ZNF564: variants seen among roughly 807,000 people sequenced by gnomAD.
ZNF564 encodes the protein zinc finger protein 564.
Under a neutral mutation model 10.5 loss-of-function variants are expected in ZNF564, and 5 were observed. The ratio of observed to expected loss-of-function variants is 0.48; its 90% CI spans 0.25 to 1.00. The LOEUF (loss-of-function observed/expected upper bound fraction) is 1.00. Ranked by LOEUF, ZNF564 falls within the 50% of genes least tolerant of loss-of-function variation. The pLI is 0.16. For synonymous variants in ZNF564, 242 were observed against 218.1 expected (o/e 1.11, Z -0.97); for missense variants, 603 against 669.7 (o/e 0.90, Z 1.10).
chr19:12,538,089 T>C (rs145405931), intron 1 of ZNF564, among the ~76,000 whole-genome samples: 1 of 152,030 alleles, frequency 6.6e-6, no homozygotes, highest in African/African-American at 2.4e-5. Flanking sequence ...TTAAATAGAA[T>C]AAAAAATAAT....
At chr19:12,544,297 G>A (rs978185022) in intron 1 of ZNF564, among the ~76,000 whole-genome samples, 1 of 152,286 alleles carries the variant, frequency 6.6e-6, no homozygotes, top group East Asian at 1.9e-4. Flanking sequence ...GTCAGGGACA[G>A]AAACGACGGA....
chr19:12,543,673 CAAAAAAAAAA>C (rs57611686), intron 1 of ZNF564, among the ~76,000 whole-genome samples: 1,324 of 62,276 alleles, frequency 0.021, 18 homozygotes, highest in Non-Finnish European at 0.027. Context: ...GACTTCGTCT[CAAAAAAAAAA>C]AAAAAAAAAA....
At chr19:12,542,014 C>CAAA (rs74180077) in intron 1 of ZNF564, among the ~76,000 whole-genome samples, 18 of 56,238 alleles carry the variant, frequency 3.2e-4, no homozygotes, top group Non-Finnish European at 4.8e-4. Context: ...AGACTCTGTC[C>CAAA]AAAAAAAAAA....
intron 1 of ZNF564, chr19:12,529,977 T>A (rs1332799230): frequency 1.8e-5 from 2 of 113,104 alleles, no homozygotes; most frequent in African/African-American, 7.1e-5. Context: ...AGAGCAAAAC[T>A]CTGTCTCAAA....
chr19:12,537,723 A>G lies in ZNF564; in HGVS notation c.4-9027T>C, dbSNP rs189326954. Among the ~76,000 whole-genome samples, 604 of 143,322 alleles carry G rather than the reference A, an allele frequency of 4.2e-3. 2 individuals are homozygous for G. The highest frequency in any genetic ancestry group is 6.5e-3 in the Non-Finnish European group (431 of 66,162). The allele number at this position is 143,322 out of a possible 152,430, so 94.0% of individuals were successfully genotyped here. A position where few individuals can be genotyped will look rare whatever the true frequency, so the allele number is the denominator to read the frequency against. On this transcript the variant is annotated intron_variant, in intron 1 of 3. Transcript: ENST00000339282. ...ATTGCACTCCCGCCTGGGCAACAAGAGTGAAACTCCGTCTCAAAAAAAAAA... is the reference window on the plus strand; with the variant it reads ...ATTGCACTCCCGCCTGGGCAACAAGGGTGAAACTCCGTCTCAAAAAAAAAA...
At chr19:12,529,184 A>C (rs763943654) in intron 1 of ZNF564, among the ~76,000 whole-genome samples, 2 of 152,330 alleles carry the variant, frequency 1.3e-5, no homozygotes, top group South Asian at 4.1e-4. Context: ...ACTTTCTCAT[A>C]AATTTAATTA....
chr19:12,528,021 G>T (rs1363315147), intron 3 of ZNF564, 105 bp from the exon 4 acceptor site: 1 of 1,285,198 alleles, frequency 7.8e-7, no homozygotes, highest in Non-Finnish European at 1.1e-6. Flanking sequence ...AAGTTTTCAG[G>T]CCTGTATGAA....
chr19:12,530,277 T>C (rs2021776795), intron 1 of ZNF564: 1 of 152,200 alleles, frequency 6.6e-6, no homozygotes, highest in South Asian at 2.1e-4. Flanking sequence ...ATAACATTTG[T>C]TATAGACTCA....
In ZNF564 at chr19:12,526,246, C is replaced by A; in HGVS notation, c.*200G>T. ...ACTCAATTCATGCTGAGGCAAAATT[C>A]TTCTTCAGCTCCGAACCGGTGAAAA... On this transcript the variant is annotated 3_prime_UTR_variant, in exon 4 of 4. Coordinates refer to ENST00000339282, the MANE Select transcript of ZNF564 (RefSeq NM_144976.4). 2 of 511,142 alleles carry A rather than the reference C, an allele frequency of 3.9e-6. No individual in the cohort carries two copies. Among genetic ancestry groups the A allele is most frequent in the Non-Finnish European group, 6.8e-6 (2 of 295,992 alleles). 31.7% of individuals were successfully genotyped at this position (511,142 alleles called of 1,614,324 possible).
At chr19:12,529,611 A>AAC (rs940665061) in intron 1 of ZNF564, among the ~76,000 whole-genome samples, 1 of 151,298 alleles carries the variant, frequency 6.6e-6, no homozygotes, top group Non-Finnish European at 1.5e-5. Context: ...GTCTCAAAAA[A>AAC]AAAAAATTTA....
At chr19:12,541,077 A>G (rs1009244859) in intron 1 of ZNF564, among the ~76,000 whole-genome samples, 13 of 150,070 alleles carry the variant, frequency 8.7e-5, no homozygotes. Context: ...AAAAAAAAAA[A>G]AAAAAAAAAA....
At chr19:12,547,222 A>G (rs1211215810) in intron 1 of ZNF564, among the ~76,000 whole-genome samples, 1 of 151,934 alleles carries the variant, frequency 6.6e-6, no homozygotes, top group Non-Finnish European at 1.5e-5. Context: ...CACCACCACA[A>G]TTTTTTTTAA....
chr19:12,545,101 A>G (rs753835094), intron 1 of ZNF564, among the ~76,000 whole-genome samples: 1 of 152,022 alleles, frequency 6.6e-6, no homozygotes, highest in Non-Finnish European at 1.5e-5. Context: ...TCTCTACTAA[A>G]AATACAAAAA....
intron 1 of ZNF564, chr19:12,548,674 C>A: frequency 3.2e-6 from 2 of 627,120 alleles, no homozygotes; most frequent in South Asian, 1.9e-5. Flanking sequence ...ACATGAAAAG[C>A]ACATTTATCT....
chr19:12,543,298 T>A (rs1344214352), intron 1 of ZNF564, among the ~76,000 whole-genome samples: 1 of 110,752 alleles, frequency 9.0e-6, no homozygotes, highest in African/African-American at 3.6e-5. Flanking sequence ...TGAAACTTCG[T>A]CTCAGAAAAA....
chr19:12,529,088 CAAAA>C (rs1016476006), intron 1 of ZNF564, among the ~76,000 whole-genome samples: 1 of 152,004 alleles, frequency 6.6e-6, no homozygotes, highest in Non-Finnish European at 1.5e-5. Context: ...AAAAACAAAA[CAAAA>C]AAGTCGACAA....
intron 1 of ZNF564, among the ~76,000 whole-genome samples, chr19:12,550,855 G>A (rs961909730): frequency 7.2e-5 from 11 of 152,166 alleles, no homozygotes; most frequent in African/African-American, 2.7e-4. Flanking sequence ...CCCAGAAAAA[G>A]CTAGGCTAAA....
At chr19:12,548,690 T>C in intron 1 of ZNF564, 1 of 666,962 alleles carries the variant, frequency 1.5e-6, no homozygotes, top group South Asian at 1.6e-5. Context: ...TATCTATCCC[T>C]TTCAGACAAT....
chr19:12,542,308 CAAAAAAAAAA>C (rs35733202), intron 1 of ZNF564, among the ~76,000 whole-genome samples: 2 of 63,170 alleles, frequency 3.2e-5, no homozygotes, highest in Non-Finnish European at 5.7e-5. Flanking sequence ...GACTCTGTCT[CAAAAAAAAAA>C]AAAAAAAAAA....
Sources: allele counts gnomAD v4.1 joint callset (sites outside exome capture counted in the v4.1 genomes callset), GRCh38; gene constraint gnomAD v4.1.1; transcripts MANE v1.5; gene names NCBI Gene and HGNC (gene_info 2026-07-23, HGNC 2026-07-21).